NCAM2: variants seen among roughly 807,000 people sequenced by gnomAD.
NCAM2 encodes the protein N-CAM-2.
A neutral mutation model predicts 98.1 loss-of-function variants in NCAM2; 30 were observed. The ratio of observed to expected loss-of-function variants is 0.31; its 90% CI spans 0.23 to 0.41. The LOEUF (loss-of-function observed/expected upper bound fraction) is 0.41, where lower values mean the gene tolerates loss of function less well. Among genes scored for constraint, NCAM2 ranks in the 10% least tolerant of loss-of-function variants. The pLI is 1.00. For synonymous variants in NCAM2, 368 were observed against 342.4 expected, an observed-to-expected ratio of 1.07 and a Z score of -0.83; for missense variants, 867 against 1,005.8, an observed-to-expected ratio of 0.86 and a Z score of 1.87.
intron 9 of NCAM2, among the ~76,000 whole-genome samples, chr21:21,400,718 A>G (rs535389854): frequency 1.3e-5 from 2 of 151,744 alleles, no homozygotes; most frequent in East Asian, 3.9e-4. Flanking sequence ...CCCAAGTAGC[A>G]GGGATCAAAG....
At chr21:21,212,892 G>C (rs1302828842) in intron 1 of NCAM2, among the ~76,000 whole-genome samples, 1 of 151,894 alleles carries the variant, frequency 6.6e-6, no homozygotes, top group East Asian at 1.9e-4. Flanking sequence ...ACAGGTACCC[G>C]ACACCACGTG....
intron 7 of NCAM2, among the ~76,000 whole-genome samples, chr21:21,337,980 C>A (rs1466386466): frequency 6.6e-6 from 1 of 151,872 alleles, no homozygotes; most frequent in Non-Finnish European, 1.5e-5. Context: ...TAAATATATT[C>A]ATGTGTGTGT....
intron 1 of NCAM2, among the ~76,000 whole-genome samples, chr21:21,014,167 C>A (rs1479515978): frequency 1.3e-5 from 2 of 151,934 alleles, no homozygotes; most frequent in Admixed American, 1.3e-4. Context: ...TACGCTAAGT[C>A]GTAATCCCAG....
intron 1 of NCAM2, among the ~76,000 whole-genome samples, chr21:21,064,275 TA>T (rs761369950): frequency 1.3e-5 from 2 of 152,154 alleles, no homozygotes; most frequent in Non-Finnish European, 2.9e-5. Flanking sequence ...TAGAGTATAA[TA>T]AAAGGAGACT....
rs764097299 is a variant in NCAM2 at position 21,508,808 on chromosome 21, C to CTTTTTTTT, written c.2078-18_2078-11dup. 1,402 of 413,402 alleles carry CTTTTTTTT rather than the reference C, an allele frequency of 3.4e-3. 125 individuals are homozygous for CTTTTTTTT. Among genetic ancestry groups the CTTTTTTTT allele is most frequent in the African/African-American group, 7.2e-3 (211 of 29,386 alleles). 25.6% of individuals were successfully genotyped at this position (413,402 alleles called of 1,614,324 possible). A position where few individuals can be genotyped will look rare whatever the true frequency, so the allele number is the denominator to read the frequency against. On this transcript the variant is annotated intron_variant, in intron 15 of 17. Coordinates refer to ENST00000400546, the MANE Select transcript of NCAM2 (RefSeq NM_004540.5). ...ATTTAGAGGTTTAATACTTTTTTTC[C>CTTTTTTTT]TTTTTTTTTTTTTTTTTTTTTTTTT...
At chr21:21,169,748 A>C (rs1056934560) in intron 1 of NCAM2, among the ~76,000 whole-genome samples, 9 of 152,150 alleles carry the variant, frequency 5.9e-5, no homozygotes, top group Admixed American at 1.3e-4. Flanking sequence ...CAAAAGTTTG[A>C]AACCAGCCTG....
chr21:21,154,744 A>G (rs1317881867), intron 1 of NCAM2, among the ~76,000 whole-genome samples: 1 of 151,850 alleles, frequency 6.6e-6, no homozygotes, highest in Non-Finnish European at 1.5e-5. Context: ...ATTTGTGTGT[A>G]TGTTTATATG....
chr21:21,223,584 G>T (rs2070258246), intron 1 of NCAM2: 1 of 151,968 alleles, frequency 6.6e-6, no homozygotes, highest in Non-Finnish European at 1.5e-5. Context: ...TTAGATTTTT[G>T]TGAGCCATGC....
chr21:21,363,347 A>G (rs2075696746), intron 8 of NCAM2, among the ~76,000 whole-genome samples: 1 of 152,128 alleles, frequency 6.6e-6, no homozygotes, highest in Non-Finnish European at 1.5e-5. Context: ...AAGTTGTCAT[A>G]TTGCAGATAT....
At position 21,303,349 on chromosome 21, in the gene NCAM2, T is replaced by C. The variant is rs139243369; in HGVS notation, c.619+11108T>C. Among the ~76,000 whole-genome samples, 12 of 152,220 alleles carry C rather than the reference T, an allele frequency of 7.9e-5. No individual in the cohort carries two copies. The East Asian group carries it at 1.5e-3, about 20-fold the overall frequency. ...TATTATCCATAATAATTTCTAAAAA[T>C]GTCATATAACCGTGCAATATGTATT... On this transcript the variant is annotated intron_variant, in intron 5 of 17. Coordinates refer to ENST00000400546, the MANE Select transcript of NCAM2 (RefSeq NM_004540.5).
rs757486028 is a variant in NCAM2, at chr21:21,313,268, T to C, written c.620-11115T>C. Reference sequence around the variant, plus strand: ...TTCTTCCTCCTGCTTAATTTTTGCTTATTTTGCTCTTGTTTATCTAGTTTA... The same window carrying C: ...TTCTTCCTCCTGCTTAATTTTTGCTCATTTTGCTCTTGTTTATCTAGTTTA... On this transcript the variant is annotated intron_variant, in intron 5 of 17. Coordinates refer to ENST00000400546, the MANE Select transcript of NCAM2 (RefSeq NM_004540.5). Among the ~76,000 whole-genome samples, 9 of 152,084 alleles carry C rather than the reference T, an allele frequency of 5.9e-5. No individual in the cohort carries two copies. The Middle Eastern group carries it at 0.024, about 402-fold the overall frequency.
At chr21:21,396,991 T>C (rs558248543) in intron 9 of NCAM2, among the ~76,000 whole-genome samples, 1 of 152,296 alleles carries the variant, frequency 6.6e-6, no homozygotes, top group Non-Finnish European at 1.5e-5. Context: ...TCTTGTCTCA[T>C]GTCCAAGAAG....
At chr21:21,484,214 A>T (rs2146287473) in intron 15 of NCAM2, among the ~76,000 whole-genome samples, 1 of 152,308 alleles carries the variant, frequency 6.6e-6, no homozygotes, top group Non-Finnish European at 1.5e-5. Context: ...TGTTTTTAAT[A>T]TGTGACAATA....
At chr21:21,276,744 C>A (rs1450225932) in intron 1 of NCAM2, among the ~76,000 whole-genome samples, 1 of 151,900 alleles carries the variant, frequency 6.6e-6, no homozygotes, top group African/African-American at 2.4e-5. Flanking sequence ...TAGAGCAAAT[C>A]TGGTCTTTGG....
At chr21:21,312,128 G>A (rs991833014) in intron 5 of NCAM2, among the ~76,000 whole-genome samples, 3 of 151,972 alleles carry the variant, frequency 2.0e-5, no homozygotes, top group Admixed American at 6.6e-5. Context: ...TCAATGTTAG[G>A]TCTAAATTTT....
chr21:21,058,807 A>G (rs2065264879), intron 1 of NCAM2, among the ~76,000 whole-genome samples: 1 of 151,994 alleles, frequency 6.6e-6, no homozygotes, highest in Non-Finnish European at 1.5e-5. Flanking sequence ...TTTATTATTC[A>G]CTGCATTTTT....
At chr21:21,346,176 G>C (rs912697818) in intron 8 of NCAM2, among the ~76,000 whole-genome samples, 10 of 129,500 alleles carry the variant, frequency 7.7e-5, no homozygotes, top group African/African-American at 1.5e-4. Flanking sequence ...GACTCACATA[G>C]ACTGAAAACA....
At chr21:21,207,376 A>T (rs115276306) in intron 1 of NCAM2, among the ~76,000 whole-genome samples, 66 of 152,234 alleles carry the variant, frequency 4.3e-4, no homozygotes, top group African/African-American at 1.6e-3. Flanking sequence ...TTTTCCTGTG[A>T]TCTACCACTA....
intron 1 of NCAM2, among the ~76,000 whole-genome samples, chr21:21,117,167 A>G (rs561103635): frequency 6.6e-6 from 1 of 152,202 alleles, no homozygotes; most frequent in African/African-American, 2.4e-5. Flanking sequence ...CCCACAACTT[A>G]TTAATCTTAT....
Sources: allele counts gnomAD v4.1 joint callset (sites outside exome capture counted in the v4.1 genomes callset), GRCh38; gene constraint gnomAD v4.1.1; transcripts MANE v1.5; gene names NCBI Gene and HGNC (gene_info 2026-07-23, HGNC 2026-07-21).